Variants in B3GALT1 observed in about 807,000 individuals in gnomAD.
B3GALT1 encodes beta-1,3-galactosyltransferase 1, also known as UDP-Gal:betaGlcNAc beta 1,3-galactosyltransferase, polypeptide 1.
A neutral mutation model predicts 23.2 loss-of-function variants in B3GALT1; 10 were observed. The ratio of observed to expected loss-of-function variants is 0.43; its 90% CI spans 0.27 to 0.73. The LOEUF is 0.73. B3GALT1 is among the 30% of genes least tolerant of loss of function. The probability of loss-of-function intolerance (pLI) is 0.21; values close to 1 mark genes in which losing one functional copy is unlikely to be tolerated. For synonymous variants in B3GALT1, 156 were observed against 141.5 expected (o/e 1.10, Z -0.73); for missense variants, 299 against 405.4 (o/e 0.74, Z 2.25).
intron 3 of B3GALT1, chr2:167,714,042 G>C: frequency 6.5e-7 from 1 of 1,539,360 alleles, no homozygotes. Flanking sequence ...GATGAATCAG[G>C]CACATTTAAA....
intron 3 of B3GALT1, among the ~76,000 whole-genome samples, chr2:167,779,505 T>C (rs984848682): frequency 5.3e-5 from 8 of 152,252 alleles, no homozygotes; most frequent in Non-Finnish European, 8.8e-5. Context: ...ATTTCCTGTT[T>C]TTCTGATGCG....
At chr2:167,832,763 G>A (rs1689378176) in intron 4 of B3GALT1, among the ~76,000 whole-genome samples, 1 of 152,216 alleles carries the variant, frequency 6.6e-6, no homozygotes, top group Non-Finnish European at 1.5e-5. Flanking sequence ...TAACAAACAT[G>A]TTCCTTCACA....
intron 2 of B3GALT1, among the ~76,000 whole-genome samples, chr2:167,548,395 C>T (rs978888737): frequency 2.0e-5 from 3 of 152,164 alleles, no homozygotes; most frequent in Admixed American, 2.0e-4. Context: ...CTCTAGTTCC[C>T]AGATGCTTGG....
chr2:167,359,067 T>C (rs1697460235), intron 1 of B3GALT1, among the ~76,000 whole-genome samples: 1 of 152,194 alleles, frequency 6.6e-6, no homozygotes, highest in South Asian at 2.1e-4. Context: ...CCCAAAGTGC[T>C]GGGATTACAG....
chr2:167,648,965 C>T (rs1056837359), intron 3 of B3GALT1, among the ~76,000 whole-genome samples: 6 of 152,194 alleles, frequency 3.9e-5, no homozygotes, highest in South Asian at 4.2e-4. Context: ...CCTGCCTCCA[C>T]GACAGGCAGA....
chr2:167,566,164 T>C (rs1428256527), intron 2 of B3GALT1, among the ~76,000 whole-genome samples: 1 of 152,172 alleles, frequency 6.6e-6, no homozygotes, highest in African/African-American at 2.4e-5. Flanking sequence ...TGGAATACTA[T>C]GCAGCCATAA....
At chr2:167,790,033 A>C (rs1215389047) in intron 3 of B3GALT1, among the ~76,000 whole-genome samples, 1 of 152,086 alleles carries the variant, frequency 6.6e-6, no homozygotes, top group African/African-American at 2.4e-5. Context: ...TACAAGAGAC[A>C]GGAGTTTTGT....
At chr2:167,702,794 CTCCCCTTG>C (rs904615258) in intron 3 of B3GALT1, among the ~76,000 whole-genome samples, 1 of 152,184 alleles carries the variant, frequency 6.6e-6, no homozygotes, top group African/African-American at 2.4e-5. Flanking sequence ...GGGATTCTTT[CTCCCCTTG>C]TCCCCAGTCT....
In B3GALT1 at chr2:167,656,040, C is replaced by T. The variant is rs538663417; in HGVS notation, c.-352+9074C>T. Among the ~76,000 whole-genome samples, 5 of 152,278 alleles carry T rather than the reference C, an allele frequency of 3.3e-5. 1 individual carries two copies. The highest frequency in any genetic ancestry group is 1.2e-4 in the African/African-American group (5 of 41,552). Reference sequence around the variant, plus strand: ...CTCGTCTCCTGATGACAGTGACAGTCTCACTGTCTGTTTAGGTATCAGTCT... The same window carrying T: ...CTCGTCTCCTGATGACAGTGACAGTTTCACTGTCTGTTTAGGTATCAGTCT... On this transcript the variant is annotated intron_variant, in intron 3 of 4. Coordinates refer to ENST00000392690, the MANE Select transcript of B3GALT1 (RefSeq NM_020981.4).
At chr2:167,652,042 C>T (rs1360021216) in intron 3 of B3GALT1, among the ~76,000 whole-genome samples, 1 of 152,088 alleles carries the variant, frequency 6.6e-6, no homozygotes, top group Non-Finnish European at 1.5e-5. Flanking sequence ...TCAACCAAAC[C>T]CACAAGAGCC....
chr2:167,699,232 G>C (rs1413347548), intron 3 of B3GALT1, among the ~76,000 whole-genome samples: 1 of 151,638 alleles, frequency 6.6e-6, no homozygotes, highest in Non-Finnish European at 1.5e-5. Flanking sequence ...AATTGATTTT[G>C]TTTTTTTCTC....
chr2:167,690,216 AAAAT>A (rs1264120314), intron 3 of B3GALT1, among the ~76,000 whole-genome samples: 2 of 152,066 alleles, frequency 1.3e-5, no homozygotes, highest in Non-Finnish European at 1.5e-5. Context: ...TAAAAAAATC[AAAAT>A]AAATATTAAT....
intron 3 of B3GALT1, among the ~76,000 whole-genome samples, chr2:167,737,282 G>T (rs1021233251): frequency 6.6e-6 from 1 of 152,208 alleles, no homozygotes. Context: ...CTGGTTTAAT[G>T]ACATTAGTTA....
At chr2:167,624,621 T>C (rs956990326) in intron 2 of B3GALT1, among the ~76,000 whole-genome samples, 1 of 152,028 alleles carries the variant, frequency 6.6e-6, no homozygotes, top group African/African-American at 2.4e-5. Context: ...ACAGTCTAAC[T>C]CCCAAATTTA....
intron 1 of B3GALT1, among the ~76,000 whole-genome samples, chr2:167,304,092 A>G (rs1451521405): frequency 6.6e-6 from 1 of 152,168 alleles, no homozygotes; most frequent in Non-Finnish European, 1.5e-5. Context: ...TTACTAGTAG[A>G]TACTCTGAAA....
At chr2:167,598,505 A>G (rs915740174) in intron 2 of B3GALT1, among the ~76,000 whole-genome samples, 2 of 152,184 alleles carry the variant, frequency 1.3e-5, no homozygotes, top group African/African-American at 4.8e-5. Flanking sequence ...AAAAGTACTT[A>G]TAAAATGGAA....
chr2:167,393,359 G>A (rs929347580), intron 1 of B3GALT1, among the ~76,000 whole-genome samples: 1 of 151,476 alleles, frequency 6.6e-6, no homozygotes, highest in Admixed American at 6.6e-5. Context: ...GTAGATTTGG[G>A]CAACACCAAG....
intron 3 of B3GALT1, among the ~76,000 whole-genome samples, chr2:167,667,065 G>A (rs7608551): frequency 0.39 from 59,416 of 151,588 alleles, 12,809 homozygotes; most frequent in Middle Eastern, 0.57. Context: ...TTACATTTTG[G>A]CATGATTTTG....
intron 3 of B3GALT1, among the ~76,000 whole-genome samples, chr2:167,735,289 C>G (rs1429365615): frequency 6.6e-6 from 1 of 152,176 alleles, no homozygotes; most frequent in Non-Finnish European, 1.5e-5. Context: ...TTTGGACTTG[C>G]CAATAAATTC....
Sources: allele counts gnomAD v4.1 joint callset (sites outside exome capture counted in the v4.1 genomes callset), GRCh38; gene constraint gnomAD v4.1.1; transcripts MANE v1.5; gene names NCBI Gene and HGNC (gene_info 2026-07-23, HGNC 2026-07-21).